Variants in SDK1 observed in about 807,000 individuals in gnomAD.
SDK1 encodes the protein sidekick cell adhesion molecule 1.
Under a neutral mutation model 245.5 loss-of-function variants are expected in SDK1, and 157 were observed. That is an observed-to-expected ratio of 0.64 (90% confidence interval 0.56 to 0.73). SDK1 has a LOEUF of 0.73. SDK1 is among the 30% of genes least tolerant of loss of function. The pLI is 0.00. For synonymous variants in SDK1, 1,647 were observed against 1,278.5 expected, an observed-to-expected ratio of 1.29 and a Z score of -6.15; for missense variants, 3,583 against 3,002.3, an observed-to-expected ratio of 1.19 and a Z score of -4.52.
intron 5 of SDK1, among the ~76,000 whole-genome samples, chr7:3,922,708 C>A (rs747875194): frequency 5.9e-5 from 9 of 152,180 alleles, no homozygotes; most frequent in African/African-American, 9.7e-5. Context: ...GCTTACAAAG[C>A]GTGCACGTTT....
chr7:3,566,589 C>T (rs542568447), intron 1 of SDK1, among the ~76,000 whole-genome samples: 17 of 152,050 alleles, frequency 1.1e-4, no homozygotes, highest in African/African-American at 4.1e-4. Flanking sequence ...ATCACCATTA[C>T]AGATTCTGTT....
chr7:3,882,887 A>T (rs1313926466), intron 5 of SDK1, among the ~76,000 whole-genome samples: 1 of 152,240 alleles, frequency 6.6e-6, no homozygotes, highest in African/African-American at 2.4e-5. Flanking sequence ...AAAACAATTT[A>T]GTCATGCATA....
At chr7:3,955,749 G>GA (rs1320834439) in intron 7 of SDK1, among the ~76,000 whole-genome samples, 3 of 152,212 alleles carry the variant, frequency 2.0e-5, no homozygotes, top group Admixed American at 2.0e-4. Context: ...GGGAGAGCAG[G>GA]AAAAATGCAT....
intron 4 of SDK1, among the ~76,000 whole-genome samples, chr7:3,800,146 A>T (rs1244216574): frequency 1.3e-5 from 2 of 152,118 alleles, no homozygotes; most frequent in East Asian, 3.9e-4. Flanking sequence ...ATCCTGGCAT[A>T]CTGTATTAGG....
intron 1 of SDK1, among the ~76,000 whole-genome samples, chr7:3,380,016 G>A (rs992441593): frequency 6.6e-6 from 1 of 152,160 alleles, no homozygotes; most frequent in African/African-American, 2.4e-5. Context: ...TTAATATTGG[G>A]AAGCAATATA....
intron 22 of SDK1, among the ~76,000 whole-genome samples, chr7:4,109,393 C>G (rs1783178467): frequency 6.6e-6 from 1 of 152,236 alleles, no homozygotes; most frequent in African/African-American, 2.4e-5. Flanking sequence ...TCCTGCCACC[C>G]TCCCAAGACT....
At chr7:3,611,551 G>T (rs1010490909) in intron 1 of SDK1, among the ~76,000 whole-genome samples, 6 of 151,990 alleles carry the variant, frequency 3.9e-5, no homozygotes, top group African/African-American at 1.4e-4. Flanking sequence ...CTTTTCCTCT[G>T]GGTAGATACC....
intron 4 of SDK1, among the ~76,000 whole-genome samples, chr7:3,802,222 C>G (rs1779125095): frequency 6.6e-6 from 1 of 152,134 alleles, no homozygotes; most frequent in Non-Finnish European, 1.5e-5. Context: ...ATGTGTGTAA[C>G]TACCACTACA....
intron 1 of SDK1, among the ~76,000 whole-genome samples, chr7:3,558,938 C>T (rs1170181933): frequency 6.6e-6 from 1 of 152,132 alleles, no homozygotes; most frequent in Non-Finnish European, 1.5e-5. Flanking sequence ...ATTTTTCCCT[C>T]ACTCTACTCA....
At chr7:3,676,325 T>C (rs1168498571) in intron 4 of SDK1, among the ~76,000 whole-genome samples, 1 of 62,514 alleles carries the variant, frequency 1.6e-5, no homozygotes, top group Non-Finnish European at 2.9e-5. Flanking sequence ...TCTAGTACTT[T>C]TTTTTTTTTT....
At chr7:3,581,359 CA>C (rs1780481893) in intron 1 of SDK1, among the ~76,000 whole-genome samples, 1 of 152,160 alleles carries the variant, frequency 6.6e-6, no homozygotes, top group South Asian at 2.1e-4. Flanking sequence ...AGAAACTTTT[CA>C]AAAGAAGACA....
At chr7:4,243,502 A>T (rs1355806551) in intron 43 of SDK1, among the ~76,000 whole-genome samples, 1 of 152,238 alleles carries the variant, frequency 6.6e-6, no homozygotes, top group Non-Finnish European at 1.5e-5. Flanking sequence ...ACAGTTCCAC[A>T]TGGCTGGGGA....
intron 1 of SDK1, among the ~76,000 whole-genome samples, chr7:3,323,569 C>T (rs1779870454): frequency 6.6e-6 from 1 of 152,198 alleles, no homozygotes; most frequent in Admixed American, 6.5e-5. Flanking sequence ...GGGCCACACA[C>T]TGCTTCTAGA....
In SDK1 at chr7:3,617,861, T is replaced by A. The variant is rs548645834; in HGVS notation, c.299-1219T>A. 7.2e-5 allele frequency among the ~76,000 whole-genome samples: 11 copies of A among 152,274 alleles called. No individual in the cohort carries two copies. In the South Asian group the frequency reaches 2.3e-3, roughly 32 times the overall value. On this transcript the variant is annotated intron_variant, in intron 1 of 44. Coordinates refer to ENST00000404826, the MANE Select transcript of SDK1 (RefSeq NM_152744.4). ...GGCCATCACATTTCATCATGAGTTT[T>A]GGAGGGGACATTCAGACCGTAACTC... is the stretch of plus-strand genomic sequence containing the variant.
In SDK1 at chr7:3,493,208, C is replaced by A. The variant is rs113766663; in HGVS notation, c.299-125872C>A. On this transcript the variant is annotated intron_variant, in intron 1 of 44. Transcript: ENST00000404826. ...CCTCATAATCCTCACACCTCGGCCT[C>A]CCAAAGTACTGAGATTACAGGCGTC... Among the ~76,000 whole-genome samples, 54 of 152,260 alleles carry A rather than the reference C, an allele frequency of 3.5e-4. 1 individual carries two copies. The highest frequency in any genetic ancestry group is 9.2e-4 in the African/African-American group (38 of 41,522).
At chr7:4,068,300 G>A (rs1383102271) in intron 20 of SDK1, among the ~76,000 whole-genome samples, 5 of 152,198 alleles carry the variant, frequency 3.3e-5, no homozygotes, top group Admixed American at 6.5e-5. Context: ...GGTCAATATC[G>A]ATATTATGAC....
At chr7:4,064,925 G>A (rs1241103024) in intron 19 of SDK1, among the ~76,000 whole-genome samples, 1 of 152,070 alleles carries the variant, frequency 6.6e-6, no homozygotes, top group African/African-American at 2.4e-5. Flanking sequence ...GCAGGGTGGT[G>A]GGGAGAAAGA....
At chr7:4,193,374 A>ATATT (rs1562414265) in intron 35 of SDK1, among the ~76,000 whole-genome samples, 2 of 5,814 alleles carry the variant, frequency 3.4e-4, no homozygotes, top group African/African-American at 9.0e-4. Context: ...TAAAATATTT[A>ATATT]TATATATATA....
At chr7:3,516,424 A>G (rs1377534862) in intron 1 of SDK1, among the ~76,000 whole-genome samples, 2 of 152,090 alleles carry the variant, frequency 1.3e-5, no homozygotes, top group Non-Finnish European at 2.9e-5. Flanking sequence ...AATTTGAATT[A>G]CTTTGTCACA....
Sources: gnomAD v4.1 joint callset for allele counts (sites outside exome capture counted in the v4.1 genomes callset) on GRCh38, gnomAD v4.1.1 for gene constraint, MANE v1.5 for transcripts, NCBI Gene and HGNC (gene_info 2026-07-23, HGNC 2026-07-21) for gene names.